Variants in SGCZ observed in about 807,000 individuals in gnomAD.
The protein encoded by SGCZ is zeta-sarcoglycan.
In SGCZ, 40 loss-of-function variants were observed where a neutral mutation model predicts 41.3. That is an observed-to-expected ratio of 0.97 (90% CI 0.75 to 1.26). The LOEUF is 1.26. Ranked by LOEUF, SGCZ falls within the 50% of genes most tolerant of loss-of-function variation. The pLI is 0.00. For missense variants in SGCZ, 552 were observed against 369.8 expected (o/e 1.49, Z -4.04); for synonymous variants, 206 against 137.5 (o/e 1.50, Z -3.49).
At chr8:14,428,549 C>G (rs1032216229) in intron 2 of SGCZ, among the ~76,000 whole-genome samples, 1 of 152,192 alleles carries the variant, frequency 6.6e-6, no homozygotes, top group African/African-American at 2.4e-5. Context: ...TTATGACCAT[C>G]ATATCATTCA....
At chr8:14,428,591 G>C (rs986257320) in intron 2 of SGCZ, among the ~76,000 whole-genome samples, 1 of 152,140 alleles carries the variant, frequency 6.6e-6, no homozygotes, top group African/African-American at 2.4e-5. Flanking sequence ...CTACTGATCC[G>C]TGAAAGTTTA....
chr8:14,456,130 C>G, intron 2 of SGCZ, among the ~76,000 whole-genome samples: 1 of 152,116 alleles, frequency 6.6e-6, no homozygotes, highest in Middle Eastern at 3.2e-3. Flanking sequence ...AGAGGTAGGA[C>G]ACGCACGGTG....
chr8:15,147,136 A>T (rs1446155789), intron 1 of SGCZ, among the ~76,000 whole-genome samples: 1 of 152,204 alleles, frequency 6.6e-6, no homozygotes, highest in African/African-American at 2.4e-5. Flanking sequence ...TATACCTATG[A>T]TATTAATACT....
rs184185716 is a variant in SGCZ, at chr8:14,972,346, A to C, written c.39+265239T>G. On this transcript the variant is annotated intron_variant, in intron 1 of 7. Transcript: ENST00000382080. ...TGATAAATTTGGATAGCTGTTTATT[A>C]GTTGATTGATTTTCTTTTTTCCATG... Among the ~76,000 whole-genome samples, 23 of 152,136 alleles carry C rather than the reference A, an allele frequency of 1.5e-4. No homozygotes were observed. The South Asian group carries it at 2.9e-3, about 19-fold the overall frequency.
intron 2 of SGCZ, among the ~76,000 whole-genome samples, chr8:14,492,391 T>G (rs938041801): frequency 6.6e-6 from 1 of 152,178 alleles, no homozygotes; most frequent in African/African-American, 2.4e-5. Flanking sequence ...TACTGCACAG[T>G]GCTTATTATA....
chr8:14,587,787 GTCT>G (rs1471572638), intron 1 of SGCZ, among the ~76,000 whole-genome samples: 1 of 152,072 alleles, frequency 6.6e-6, no homozygotes, highest in Middle Eastern at 3.2e-3. Context: ...CTTACAAAAA[GTCT>G]TCTTTTTAAC....
chr8:14,424,212 T>C (rs775768310), intron 2 of SGCZ, among the ~76,000 whole-genome samples: 8 of 152,130 alleles, frequency 5.3e-5, no homozygotes, highest in Non-Finnish European at 7.4e-5. Context: ...ATAAAAACCA[T>C]AGTAGTAGAA....
chr8:14,357,938 C>A (rs1380881423), intron 2 of SGCZ, among the ~76,000 whole-genome samples: 3 of 152,158 alleles, frequency 2.0e-5, no homozygotes, highest in Non-Finnish European at 4.4e-5. Context: ...CCATGACAAA[C>A]TTTCTTGAGC....
intron 1 of SGCZ, among the ~76,000 whole-genome samples, chr8:14,634,606 C>T (rs954482288): frequency 7.9e-5 from 12 of 151,646 alleles, no homozygotes; most frequent in Non-Finnish European, 1.5e-4. Flanking sequence ...AATGACTGTA[C>T]GAGAAAGATG....
intron 1 of SGCZ, among the ~76,000 whole-genome samples, chr8:14,607,325 AT>A (rs1357452090): frequency 6.6e-6 from 1 of 152,112 alleles, no homozygotes; most frequent in Non-Finnish European, 1.5e-5. Context: ...CAATATTAAT[AT>A]TTTTATCACT....
intron 1 of SGCZ, chr8:14,879,387 GA>G (rs1465753534): frequency 6.6e-6 from 1 of 151,704 alleles, no homozygotes; most frequent in Non-Finnish European, 1.5e-5. Flanking sequence ...CAAAACAAAA[GA>G]AAACTAATCA....
At chr8:14,489,257 T>C (rs753901366) in intron 2 of SGCZ, among the ~76,000 whole-genome samples, 82 of 152,268 alleles carry the variant, frequency 5.4e-4, no homozygotes, top group Non-Finnish European at 1.0e-3. Context: ...AAATTAAACA[T>C]TTTAAACTAC....
At chr8:14,883,240 A>G (rs1804661956) in intron 1 of SGCZ, among the ~76,000 whole-genome samples, 1 of 151,434 alleles carries the variant, frequency 6.6e-6, no homozygotes, top group African/African-American at 2.4e-5. Context: ...CTACTTAAAA[A>G]AAAAAAAAAA....
chr8:15,191,400 G>T (rs1800532589), intron 1 of SGCZ, among the ~76,000 whole-genome samples: 1 of 152,038 alleles, frequency 6.6e-6, no homozygotes, highest in African/African-American at 2.4e-5. Flanking sequence ...TGACCAAGTT[G>T]AATGTCACCG....
chr8:14,915,614 G>C (rs1216186908), intron 1 of SGCZ, among the ~76,000 whole-genome samples: 2 of 152,144 alleles, frequency 1.3e-5, no homozygotes, highest in African/African-American at 4.8e-5. Flanking sequence ...GCCCATTTGT[G>C]TTAAGATTAG....
chr8:15,219,743 T>C (rs757964796), intron 1 of SGCZ, among the ~76,000 whole-genome samples: 49 of 152,160 alleles, frequency 3.2e-4, no homozygotes, highest in Admixed American at 2.9e-3. Context: ...ATACAGATCA[T>C]TCCCAATCAC....
In SGCZ at chr8:14,962,975, A is replaced by G. The variant is rs138558059; in HGVS notation, c.39+274610T>C. On this transcript the variant is annotated intron_variant, in intron 1 of 7. Coordinates refer to ENST00000382080, the MANE Select transcript of SGCZ (RefSeq NM_139167.4). ...TAAAAAGTAGGTCTCCTCAGGGTTT[A>G]CTTTAGGCAAAACTGAAATAGGAGG... Among the ~76,000 whole-genome samples the G allele has an allele frequency of 6.7e-3, 1,022 of 152,292 alleles. 6 individuals carry two copies. The highest frequency in any genetic ancestry group is 0.019 in the South Asian group (93 of 4,828).
intron 1 of SGCZ, among the ~76,000 whole-genome samples, chr8:14,612,981 C>T (rs967330583): frequency 1.3e-5 from 2 of 152,126 alleles, no homozygotes; most frequent in Non-Finnish European, 2.9e-5. Flanking sequence ...CCACCATGCC[C>T]AGGAAAAAGC....
At chr8:14,679,223 T>G (rs1808366487) in intron 1 of SGCZ, among the ~76,000 whole-genome samples, 1 of 152,168 alleles carries the variant, frequency 6.6e-6, no homozygotes. Context: ...TTCATATATT[T>G]ACTATACCAT....
Sources: gnomAD v4.1 joint callset for allele counts (sites outside exome capture counted in the v4.1 genomes callset) on GRCh38, gnomAD v4.1.1 for gene constraint, MANE v1.5 for transcripts, NCBI Gene and HGNC (gene_info 2026-07-23, HGNC 2026-07-21) for gene names.